THSD7B: variants seen among roughly 807,000 people sequenced by gnomAD.
THSD7B encodes thrombospondin type 1 domain containing 7B.
A neutral mutation model predicts 213.6 loss-of-function variants in THSD7B; 138 were observed. The observed-to-expected ratio is 0.65, with a 90% confidence interval of 0.56 to 0.74. THSD7B has a LOEUF of 0.74. Ranked by LOEUF, THSD7B falls within the 30% of genes least tolerant of loss-of-function variation. The pLI, the probability that THSD7B is intolerant of heterozygous loss-of-function variation, is 0.00. For synonymous variants in THSD7B, 742 were observed against 687.0 expected (o/e 1.08, Z -1.25); for missense variants, 1,931 against 1,991.5 (o/e 0.97, Z 0.58).
chr2:137,009,779 A>G (rs778639212), intron 2 of THSD7B, among the ~76,000 whole-genome samples: 4 of 152,194 alleles, frequency 2.6e-5, no homozygotes, highest in Non-Finnish European at 4.4e-5. Flanking sequence ...ATCCGGGGCT[A>G]CAATTCAAGA....
At chr2:137,333,824 C>A (rs1473288794) in intron 12 of THSD7B, among the ~76,000 whole-genome samples, 1 of 152,140 alleles carries the variant, frequency 6.6e-6, no homozygotes, top group East Asian at 1.9e-4. Context: ...GCTACAGCAG[C>A]CACAATAAGA....
intron 20 of THSD7B, among the ~76,000 whole-genome samples, chr2:137,630,830 G>C (rs1682727080): frequency 6.6e-6 from 1 of 152,186 alleles, no homozygotes; most frequent in Non-Finnish European, 1.5e-5. Flanking sequence ...TCACATTAAA[G>C]TGGGCATGCG....
At chr2:137,645,450 G>A (rs1683012983) in intron 21 of THSD7B, among the ~76,000 whole-genome samples, 1 of 152,172 alleles carries the variant, frequency 6.6e-6, no homozygotes, top group Admixed American at 6.5e-5. Flanking sequence ...TCTCTTGACT[G>A]TGGATGAGTG....
chr2:136,931,134 G>A (rs942912108), intron 2 of THSD7B, among the ~76,000 whole-genome samples: 12 of 152,054 alleles, frequency 7.9e-5, no homozygotes, highest in African/African-American at 2.7e-4. Flanking sequence ...AGAGATTGAA[G>A]CCCCAAAGTG....
intron 15 of THSD7B, among the ~76,000 whole-genome samples, chr2:137,505,852 T>C (rs1679822012): frequency 6.6e-6 from 1 of 152,162 alleles, no homozygotes; most frequent in Non-Finnish European, 1.5e-5. Flanking sequence ...GCTTCTATCA[T>C]GGTTTTCCAG....
chr2:136,873,021 T>TAAAAAAAAAAA (rs1553454610), intron 1 of THSD7B, among the ~76,000 whole-genome samples: 1 of 43,504 alleles, frequency 2.3e-5, no homozygotes, highest in African/African-American at 9.3e-5. Flanking sequence ...AGACTCCATC[T>TAAAAAAAAAAA]AAAAAAAAAA....
intron 2 of THSD7B, among the ~76,000 whole-genome samples, chr2:137,053,965 T>C (rs1687114490): frequency 1.3e-5 from 2 of 152,168 alleles, no homozygotes; most frequent in African/African-American, 4.8e-5. Flanking sequence ...GGGGCAATAA[T>C]AAAAATTTAT....
At chr2:137,098,953 A>G (rs1688093144) in intron 4 of THSD7B, among the ~76,000 whole-genome samples, 2 of 152,234 alleles carry the variant, frequency 1.3e-5, no homozygotes, top group African/African-American at 2.4e-5. Flanking sequence ...TTAGAACTAC[A>G]TGAAAATTAG....
chr2:136,873,438 A>T (rs1422614855), intron 1 of THSD7B, among the ~76,000 whole-genome samples: 1 of 152,198 alleles, frequency 6.6e-6, no homozygotes, highest in Non-Finnish European at 1.5e-5. Context: ...GTTACTAAAC[A>T]TCATGTCATT....
intron 11 of THSD7B, 70 bp from the exon 12 acceptor site, chr2:137,275,853 C>T (rs927912620): frequency 1.7e-6 from 2 of 1,165,708 alleles, no homozygotes; most frequent in East Asian, 4.9e-5. Flanking sequence ...AAACTTCAAA[C>T]ATATGTAAGT....
intron 17 of THSD7B, among the ~76,000 whole-genome samples, chr2:137,584,932 T>G (rs1681684226): frequency 6.6e-6 from 1 of 152,330 alleles, no homozygotes; most frequent in East Asian, 1.9e-4. Context: ...TCCTTGTACC[T>G]CTGGTAGAAT....
intron 1 of THSD7B, among the ~76,000 whole-genome samples, chr2:136,838,419 G>A (rs1682874736): frequency 6.6e-6 from 1 of 152,144 alleles, no homozygotes; most frequent in Non-Finnish European, 1.5e-5. Flanking sequence ...CACTCCAAAT[G>A]AAGCTGTATA....
At chr2:137,443,342 T>C (rs1457326820) in intron 14 of THSD7B, among the ~76,000 whole-genome samples, 2 of 152,168 alleles carry the variant, frequency 1.3e-5, no homozygotes, top group Non-Finnish European at 2.9e-5. Context: ...GTCAAGCCAT[T>C]AGCCAAATCC....
chr2:137,265,918 C>T (rs142222140), intron 10 of THSD7B, among the ~76,000 whole-genome samples: 19 of 152,226 alleles, frequency 1.2e-4, no homozygotes, highest in Non-Finnish European at 2.1e-4. Flanking sequence ...CCATTCCTCT[C>T]CAATAATATG....
chr2:137,587,298 G>A (rs573412560), intron 17 of THSD7B, among the ~76,000 whole-genome samples: 7 of 152,136 alleles, frequency 4.6e-5, no homozygotes, highest in East Asian at 1.9e-4. Flanking sequence ...CCTTTAGCTC[G>A]GAGAAGTTTC....
intron 12 of THSD7B, among the ~76,000 whole-genome samples, chr2:137,330,523 A>T (rs2104892199): frequency 6.6e-6 from 1 of 152,080 alleles, no homozygotes; most frequent in South Asian, 2.1e-4. Context: ...ATATGCTAGG[A>T]GTTTTCTTCC....
At chr2:137,040,350 G>A (rs1686856575) in intron 2 of THSD7B, among the ~76,000 whole-genome samples, 1 of 151,742 alleles carries the variant, frequency 6.6e-6, no homozygotes, top group African/African-American at 2.4e-5. Context: ...CCAAGAGGTA[G>A]CTATATTTCT....
At chr2:137,541,044 G>A (rs999468509) in intron 15 of THSD7B, among the ~76,000 whole-genome samples, 53 of 151,680 alleles carry the variant, frequency 3.5e-4, no homozygotes, top group African/African-American at 8.5e-4. Context: ...CAACACATAC[G>A]TATAGCCACT....
intron 10 of THSD7B, among the ~76,000 whole-genome samples, chr2:137,264,254 T>C (rs564955094): frequency 2.0e-5 from 3 of 151,882 alleles, no homozygotes; most frequent in East Asian, 3.9e-4. Flanking sequence ...AGCCTTTTTT[T>C]TTTTTTTTCT....
Sources: allele counts gnomAD v4.1 joint callset (sites outside exome capture counted in the v4.1 genomes callset), GRCh38; gene constraint gnomAD v4.1.1; transcripts MANE v1.5; gene names NCBI Gene and HGNC (gene_info 2026-07-23, HGNC 2026-07-21).